The following RIMS1 variants were observed in gnomAD, a reference collection of about 807,000 sequenced individuals.
The protein encoded by RIMS1 is regulating synaptic membrane exocytosis 1, also known as regulating synaptic membrane exocytosis protein 1.
Under a neutral mutation model 214.1 loss-of-function variants are expected in RIMS1, and 83 were observed. The observed-to-expected ratio is 0.39, with a 90% CI of 0.32 to 0.47. The LOEUF (loss-of-function observed/expected upper bound fraction) is 0.47, where lower values mean the gene tolerates loss of function less well. Ranked by LOEUF, RIMS1 falls within the 20% of genes least tolerant of loss-of-function variation. The pLI, the probability that RIMS1 is intolerant of heterozygous loss-of-function variation, is 0.99. For missense variants in RIMS1, 2,050 were observed against 2,161.8 expected, an observed-to-expected ratio of 0.95 and a Z score of 1.03; for synonymous variants, 793 against 786.8, an observed-to-expected ratio of 1.01 and a Z score of -0.13.
At chr6:72,292,084 G>A (rs1204982564) in intron 26 of RIMS1, 38 bp downstream of exon 26, 2 of 1,382,632 alleles carry the variant, frequency 1.4e-6, no homozygotes, top group Non-Finnish European at 2.0e-6. Flanking sequence ...AAAAATCTTG[G>A]ATTTGAGAAC....
At chr6:72,388,450 T>C (rs564789823) in intron 29 of RIMS1, among the ~76,000 whole-genome samples, 2 of 152,318 alleles carry the variant, frequency 1.3e-5, no homozygotes, top group East Asian at 1.9e-4. Flanking sequence ...ATAACAATTT[T>C]GGATTTTCAT....
chr6:72,095,238 CA>C (rs1167437947), intron 2 of RIMS1, among the ~76,000 whole-genome samples: 2 of 149,492 alleles, frequency 1.3e-5, no homozygotes, highest in African/African-American at 4.9e-5. Flanking sequence ...GCTGGGATTA[CA>C]GGCGTGAGCC....
intron 2 of RIMS1, among the ~76,000 whole-genome samples, chr6:71,981,876 G>A (rs1355188438): frequency 6.6e-6 from 1 of 151,800 alleles, no homozygotes; most frequent in African/African-American, 2.4e-5. Flanking sequence ...TGTATTGCAG[G>A]GAAGTCATTG....
intron 1 of RIMS1, among the ~76,000 whole-genome samples, chr6:71,914,235 C>T (rs1008140308): frequency 2.0e-5 from 3 of 152,070 alleles, no homozygotes; most frequent in Non-Finnish European, 2.9e-5. Context: ...AATGTTTTCT[C>T]TCTTTTTTTT....
At chr6:71,903,654 C>T (rs146067804) in intron 1 of RIMS1, among the ~76,000 whole-genome samples, 14 of 151,772 alleles carry the variant, frequency 9.2e-5, no homozygotes, top group African/African-American at 2.4e-4. Context: ...AACAAATTTA[C>T]GGGAAAAAAA....
At position 72,261,260 on chromosome 6, in the gene RIMS1, A is replaced by G. The variant is rs190857989; in HGVS notation, c.3116+493A>G. ...TAAAATCTTTAACAGTTCACTTTTA[A>G]TGGCTGAGCTTCAGCTTCTTTCTTG... On this transcript the variant is annotated intron_variant, in intron 19 of 33. Coordinates refer to ENST00000521978, the MANE Select transcript of RIMS1 (RefSeq NM_014989.7). 35 of 1,001,802 alleles carry G rather than the reference A, an allele frequency of 3.5e-5. 1 individual carries two copies. The East Asian group carries it at 1.5e-3, about 43-fold the overall frequency. 62.1% of individuals were successfully genotyped at this position (1,001,802 alleles called of 1,614,324 possible). A position where few individuals can be genotyped will look rare whatever the true frequency, so the allele number is the denominator to read the frequency against.
intron 6 of RIMS1, chr6:72,217,123 A>G: frequency 1.3e-6 from 2 of 1,530,144 alleles, no homozygotes; most frequent in South Asian, 2.4e-5. Flanking sequence ...ATTTGCTGCC[A>G]TTGCTAGCTG....
intron 2 of RIMS1, among the ~76,000 whole-genome samples, chr6:72,015,307 G>A (rs961685249): frequency 6.6e-6 from 1 of 152,132 alleles, no homozygotes; most frequent in Non-Finnish European, 1.5e-5. Flanking sequence ...TGATTTTTGA[G>A]CATTTTGAAT....
chr6:72,213,300 T>G (rs1001691097), intron 6 of RIMS1: 3 of 1,253,018 alleles, frequency 2.4e-6, no homozygotes, highest in Non-Finnish European at 3.2e-6. Context: ...TCCCTCTGTA[T>G]CTATTTTCCA....
chr6:72,088,490 T>A (rs901213680), intron 2 of RIMS1, among the ~76,000 whole-genome samples: 5 of 152,046 alleles, frequency 3.3e-5, no homozygotes, highest in Non-Finnish European at 7.4e-5. Flanking sequence ...ACTCCTGACC[T>A]TAGGTGATCT....
intron 28 of RIMS1, among the ~76,000 whole-genome samples, chr6:72,314,168 T>C (rs540602323): frequency 6.6e-6 from 1 of 152,324 alleles, no homozygotes; most frequent in South Asian, 2.1e-4. Flanking sequence ...AAGTCACCAG[T>C]AGTGCTTTTG....
chr6:72,089,521 C>T (rs1486845526), intron 2 of RIMS1, among the ~76,000 whole-genome samples: 1 of 152,050 alleles, frequency 6.6e-6, no homozygotes, highest in African/African-American at 2.4e-5. Context: ...GATCATGGCT[C>T]ACTGTAGCCT....
intron 4 of RIMS1, among the ~76,000 whole-genome samples, chr6:72,163,532 T>G (rs1168254665): frequency 1.4e-5 from 2 of 140,762 alleles, no homozygotes; most frequent in Non-Finnish European, 3.2e-5. Flanking sequence ...CTTTGGTCTT[T>G]GATGATGGTG....
intron 6 of RIMS1, among the ~76,000 whole-genome samples, chr6:72,214,737 T>G (rs997845966): frequency 1.8e-4 from 28 of 152,182 alleles, no homozygotes; most frequent in Non-Finnish European, 2.9e-4. Context: ...TTTTTTTTTT[T>G]GGGAGATGGA....
intron 9 of RIMS1, among the ~76,000 whole-genome samples, chr6:72,241,732 G>C (rs1213616592): frequency 6.6e-6 from 1 of 152,082 alleles, no homozygotes; most frequent in Non-Finnish European, 1.5e-5. Context: ...TTGTAATTTT[G>C]CCATAGCTAC....
rs561674224 is a variant in RIMS1 at position 71,958,980 on chromosome 6, A to G, written c.165-10003A>G. On this transcript the variant is annotated intron_variant, in intron 1 of 33. Transcript: ENST00000521978. ...TCTACATGCAAAAGATAGACAAAGA[A>G]GCAATCATATTCCAGTATTAAAGTT... is the stretch of plus-strand genomic sequence containing the variant. 2.0e-5 allele frequency among the ~76,000 whole-genome samples: 3 copies of G among 152,308 alleles called. No individual in the cohort carries two copies. The East Asian group carries it at 5.8e-4, about 29-fold the overall frequency.
intron 6 of RIMS1, among the ~76,000 whole-genome samples, chr6:72,184,573 G>A (rs2048837074): frequency 6.6e-6 from 1 of 152,198 alleles, no homozygotes; most frequent in South Asian, 2.1e-4. Context: ...AGGACCTAAA[G>A]CTAGAGAATT....
At chr6:72,233,271 T>G (rs2062710109) in intron 6 of RIMS1, among the ~76,000 whole-genome samples, 1 of 151,918 alleles carries the variant, frequency 6.6e-6, no homozygotes, top group Non-Finnish European at 1.5e-5. Flanking sequence ...TCATATTTAT[T>G]TACTCATCAC....
rs2048517345 is a variant in RIMS1, at chr6:72,182,380, G to A, written c.909G>A (p.Gly303=). 6.2e-7 allele frequency: 1 copy of A among 1,613,820 alleles called. No homozygotes were observed. The highest frequency in any genetic ancestry group is 8.5e-7 in the Non-Finnish European group (1 of 1,179,892). ...AGACCTCAGCGCAGCCCGTGGAGGG[G>A]GCCGTCGAAGAACGGGAGCGCAAAG... ...VPKTSAQPVE[G]AVEERERKER... is the part of the protein sequence containing the mutation. Residue 303 remains glycine (G), a synonymous_variant, in exon 6 of 34, where the codon GGG becomes GGA. Transcript: ENST00000521978.
Sources: allele counts gnomAD v4.1 joint callset (sites outside exome capture counted in the v4.1 genomes callset), GRCh38; gene constraint gnomAD v4.1.1; transcripts MANE v1.5; gene names NCBI Gene and HGNC (gene_info 2026-07-23, HGNC 2026-07-21).